LGALS4: variants seen among roughly 807,000 people sequenced by gnomAD.
The protein encoded by LGALS4 is galectin 4, also known as galectin-4.
A neutral mutation model predicts 39.6 loss-of-function variants in LGALS4; 37 were observed. The observed-to-expected ratio is 0.93, with a 90% confidence interval of 0.72 to 1.23. The LOEUF (loss-of-function observed/expected upper bound fraction) is 1.23, where lower values mean the gene tolerates loss of function less well. Ranked by LOEUF, LGALS4 falls within the 50% of genes most tolerant of loss-of-function variation. LGALS4 has a pLI of 0.00. For missense variants in LGALS4, 397 were observed against 433.2 expected, an observed-to-expected ratio of 0.92 and a Z score of 0.74; for synonymous variants, 160 against 165.5, an observed-to-expected ratio of 0.97 and a Z score of 0.25.
chr19:38,810,103 C>G (rs1179250776), intron 2 of LGALS4, among the ~76,000 whole-genome samples: 1 of 152,216 alleles, frequency 6.6e-6, no homozygotes, highest in Non-Finnish European at 1.5e-5. Flanking sequence ...ATCCCTCTCT[C>G]CGTTCCTTCT....
Position 38,803,735 on chromosome 19 carries a change from C to T in LGALS4, c.540+7G>A. On this transcript the variant is annotated splice_region_variant and intron_variant, in intron 6 of 9. Transcript: ENST00000307751. ...TCACCCGGGGCCCTCCCAGCCCTCC[C>T]ACTCACGGGCAGGCTGTTCAGCTGT... 1.2e-6 allele frequency: 2 copies of T among 1,613,008 alleles called. No individual in the cohort carries two copies. The highest frequency in any genetic ancestry group is 1.7e-6 in the Non-Finnish European group (2 of 1,179,570).
At chr19:38,803,458 T>C in intron 7 of LGALS4, 64 bp downstream of exon 7, 2 of 1,548,270 alleles carry the variant, frequency 1.3e-6, no homozygotes, top group Non-Finnish European at 1.8e-6. Context: ...TTTCTGGCTG[T>C]CTCAGATTCC....
chr19:38,810,756 C>T (rs1263290824), intron 2 of LGALS4, among the ~76,000 whole-genome samples: 1 of 152,034 alleles, frequency 6.6e-6, no homozygotes, highest in Non-Finnish European at 1.5e-5. Context: ...GGATTACAGG[C>T]GTAAGCCACC....
intron 2 of LGALS4, among the ~76,000 whole-genome samples, chr19:38,809,170 CTTCTT>C (rs1971461524): frequency 1.5e-5 from 2 of 134,446 alleles, no homozygotes; most frequent in Non-Finnish European, 3.1e-5. Flanking sequence ...ACAGCCTTTC[CTTCTT>C]TTTTTTTTTT....
At position 38,803,766 on chromosome 19, in the gene LGALS4, G is replaced by A. The variant is rs139142587; in HGVS notation, c.516C>T (p.Cys172=). 1.6e-3 allele frequency: 2,569 copies of A among 1,613,454 alleles called. 3 individuals carry two copies. Among genetic ancestry groups the A allele is most frequent in the Middle Eastern group, 3.8e-3 (23 of 6,058 alleles). Residue 172 remains cysteine (C), a synonymous_variant, in exon 6 of 10, where the codon TGC becomes TGT. Coordinates refer to ENST00000307751, the MANE Select transcript of LGALS4 (RefSeq NM_006149.4). ...MMPPYPGPGH[C]HQQLNSLPTM... ...CGGGCAGGCTGTTCAGCTGTTGATG[G>A]CAATGTCCGGGACCCTGAACGATGG... is the stretch of plus-strand genomic sequence containing the variant.
intron 3 of LGALS4, among the ~76,000 whole-genome samples, chr19:38,807,272 G>A (rs1226081556): frequency 6.6e-6 from 1 of 152,096 alleles, no homozygotes; most frequent in African/African-American, 2.4e-5. Context: ...GGAGGCTAAT[G>A]TGAGAGGATC....
intron 3 of LGALS4, among the ~76,000 whole-genome samples, chr19:38,807,881 T>G (rs112855651): frequency 0.016 from 2,393 of 152,286 alleles, 57 homozygotes; most frequent in African/African-American, 0.055. Context: ...GATTAAGGGC[T>G]GTGCAGGATG....
rs574798152 is a variant in LGALS4 at position 38,804,204 on chromosome 19, T to C, written c.475-309A>G. ...ACTCGCTGATCTTGATCTCAGTTTC[T>C]GCCTCTGTCCCTGTGTCTCTGCCTC... On this transcript the variant is annotated intron_variant, in intron 4 of 9. Coordinates refer to ENST00000307751, the MANE Select transcript of LGALS4 (RefSeq NM_006149.4). 8.5e-5 allele frequency among the ~76,000 whole-genome samples: 13 copies of C among 152,358 alleles called. No individual in the cohort carries two copies. The South Asian group carries it at 2.1e-3, about 24-fold the overall frequency.
intron 7 of LGALS4, 39 bp from the exon 8 acceptor site, chr19:38,802,443 T>C: frequency 6.7e-7 from 1 of 1,486,844 alleles, no homozygotes; most frequent in South Asian, 1.1e-5. Context: ...CTCTCTCAGC[T>C]TAGCAGAGCC....
intron 7 of LGALS4, chr19:38,802,997 CTTTTCTTTTTCTTTTTTTT>C (rs1971376351): frequency 5.1e-5 from 5 of 98,272 alleles, no homozygotes; most frequent in Non-Finnish European, 7.9e-5. Context: ...TTTTCTTTTT[CTTTTCTTTTTCTTTTTTTT>C]TTTTTTTTTT....
At chr19:38,812,810 C>T (rs755622142) in intron 1 of LGALS4, 32 bp downstream of exon 1, 16 of 1,607,316 alleles carry the variant, frequency 1.0e-5, no homozygotes, top group African/African-American at 1.3e-5. Flanking sequence ...GACGGAGCTG[C>T]GGGCGGAGTG....
At chr19:38,804,020 A>C in intron 4 of LGALS4, 125 bp from the exon 5 acceptor site, 1 of 1,080,990 alleles carries the variant, frequency 9.3e-7, no homozygotes, top group Non-Finnish European at 1.4e-6. Flanking sequence ...CTCTGGCATC[A>C]AAGGGTGGCA....
intron 4 of LGALS4, among the ~76,000 whole-genome samples, chr19:38,805,967 G>C (rs1971416959): frequency 1.3e-5 from 2 of 152,166 alleles, no homozygotes; most frequent in South Asian, 4.1e-4. Flanking sequence ...AGCTACTTGG[G>C]AGGCTGAGGC....
In LGALS4 at chr19:38,808,806, T is replaced by C. The variant is rs1971455163; in HGVS notation, c.277A>G (p.Met93Val). The C allele has an allele frequency of 6.2e-7, 1 of 1,614,168 alleles. No homozygotes were observed. The highest frequency in any genetic ancestry group is 1.3e-5 in the African/African-American group (1 of 75,054). Residue 93 changes from methionine to valine, a missense_variant, in exon 3 of 10, where the codon ATG (methionine) becomes GTG (valine). By Grantham distance (21) the Met-to-Val change is conservative (BLOSUM62 1). Transcript: ENST00000307751. ...KWGSEERKRS[M>V]PFKKGAAFEL... ...AAGGCGGCACCCTTTTTGAAGGGCA[T>C]GCTCCTCTTCCTCTCCTCGCTGCCC...
At chr19:38,803,708 C>A in intron 6 of LGALS4, 34 bp downstream of exon 6, 1 of 1,609,698 alleles carries the variant, frequency 6.2e-7, no homozygotes, top group Admixed American at 1.7e-5. Context: ...CATTCCCACT[C>A]CTCACCCGGG....
At chr19:38,806,642 G>A in intron 3 of LGALS4, 47 bp from the exon 4 acceptor site, 1 of 1,606,242 alleles carries the variant, frequency 6.2e-7, no homozygotes, top group Non-Finnish European at 8.5e-7. Flanking sequence ...CATGATCCTG[G>A]GAAGGTACAA....
intron 2 of LGALS4, among the ~76,000 whole-genome samples, chr19:38,810,582 T>C (rs192237186): frequency 0.024 from 3,594 of 152,092 alleles, 145 homozygotes; most frequent in African/African-American, 0.082. Flanking sequence ...CAGGATGGTC[T>C]CGATCTCCTG....
At chr19:38,807,559 C>A (rs1342629862) in intron 3 of LGALS4, among the ~76,000 whole-genome samples, 2 of 151,772 alleles carry the variant, frequency 1.3e-5, no homozygotes, top group Non-Finnish European at 2.9e-5. Flanking sequence ...GCCCGGCCGC[C>A]CCGTCTGGGA....
intron 2 of LGALS4, among the ~76,000 whole-genome samples, chr19:38,810,354 C>CT (rs761533885): frequency 0.027 from 2,552 of 92,884 alleles, 481 homozygotes; most frequent in African/African-American, 0.092. Flanking sequence ...GAGATTTCGC[C>CT]TTTTTTTTTT....
Sources: gnomAD v4.1 joint callset for allele counts (sites outside exome capture counted in the v4.1 genomes callset) on GRCh38, gnomAD v4.1.1 for gene constraint, MANE v1.5 for transcripts, NCBI Gene and HGNC (gene_info 2026-07-23, HGNC 2026-07-21) for gene names.